Variants in BIRC6 observed in about 807,000 individuals in gnomAD.
The protein encoded by BIRC6 is dual E2 ubiquitin-conjugating enzyme/E3 ubiquitin-protein ligase BIRC6.
BIRC6 carries 98 observed loss-of-function variants against 503.3 expected under a neutral mutation model. That is an observed-to-expected ratio of 0.19 (90% confidence interval 0.17 to 0.23). The LOEUF (loss-of-function observed/expected upper bound fraction) is 0.23, where lower values mean the gene tolerates loss of function less well. BIRC6 is among the 10% of genes least tolerant of loss of function. The pLI, the probability that BIRC6 is intolerant of heterozygous loss-of-function variation, is 1.00. For synonymous variants in BIRC6, 2,240 were observed against 2,078.7 expected, an observed-to-expected ratio of 1.08 and a Z score of -2.11; for missense variants, 5,360 against 5,806.0, an observed-to-expected ratio of 0.92 and a Z score of 2.50.
chr2:32,596,792 C>A (rs990051662), intron 68 of BIRC6, among the ~76,000 whole-genome samples: 5 of 152,176 alleles, frequency 3.3e-5, no homozygotes, highest in Admixed American at 2.0e-4. Context: ...GGCGTTTAGT[C>A]ATATTTCATA....
intron 71 of BIRC6, 33 bp from the exon 72 acceptor site, chr2:32,607,422 C>G (rs1400052942): frequency 7.3e-7 from 1 of 1,376,738 alleles, no homozygotes; most frequent in Admixed American, 2.6e-5. Context: ...TAAAAATGTC[C>G]CATCATAGCT....
At chr2:32,492,091 C>A (rs1025449011) in intron 44 of BIRC6, among the ~76,000 whole-genome samples, 1 of 151,882 alleles carries the variant, frequency 6.6e-6, no homozygotes, top group Non-Finnish European at 1.5e-5. Flanking sequence ...CATTATATTT[C>A]TTTTAAAGTA....
At chr2:32,545,548 A>T in intron 62 of BIRC6, 95 bp from the exon 63 acceptor site, 1 of 1,007,736 alleles carries the variant, frequency 9.9e-7, no homozygotes, top group Non-Finnish European at 1.6e-6. Flanking sequence ...ATACTTTTGT[A>T]TTACAGTGTC....
chr2:32,502,950 T>G, intron 48 of BIRC6, 59 bp downstream of exon 48: 1 of 1,534,886 alleles, frequency 6.5e-7, no homozygotes, highest in Non-Finnish European at 8.9e-7. Context: ...TATGTTACAT[T>G]TTCATTTTTG....
chr2:32,471,707 T>G (rs908540191), intron 32 of BIRC6, among the ~76,000 whole-genome samples: 1 of 152,138 alleles, frequency 6.6e-6, no homozygotes, highest in African/African-American at 2.4e-5. Flanking sequence ...CAGAGATTCT[T>G]GTTCTGAAAA....
chr2:32,499,397 A>T (rs1350682101), intron 45 of BIRC6, 150 bp from the exon 46 acceptor site: 1 of 685,700 alleles, frequency 1.5e-6, no homozygotes, highest in Non-Finnish European at 2.3e-6. Flanking sequence ...ACCTAATGAA[A>T]TAGTGAATAT....
intron 65 of BIRC6, among the ~76,000 whole-genome samples, chr2:32,553,809 TACTC>T (rs772329366): frequency 2.6e-5 from 4 of 152,346 alleles, no homozygotes; most frequent in South Asian, 2.1e-4. Context: ...TGGTTCCAGT[TACTC>T]AAAATAGTAA....
intron 1 of BIRC6, among the ~76,000 whole-genome samples, chr2:32,374,474 A>ATT (rs1398010357): frequency 2.3e-4 from 33 of 140,858 alleles, no homozygotes; most frequent in Non-Finnish European, 3.0e-4. Flanking sequence ...AATTTTTTTA[A>ATT]TTTTTTTTTT....
intron 49 of BIRC6, among the ~76,000 whole-genome samples, chr2:32,504,019 G>T (rs945938377): frequency 1.0e-5 from 1 of 96,284 alleles, no homozygotes; most frequent in African/African-American, 4.3e-5. Context: ...ACTGGGGCGG[G>T]GGGTGGGGGG....
At chr2:32,434,976 A>G (rs2044538556) in intron 13 of BIRC6, among the ~76,000 whole-genome samples, 1 of 152,200 alleles carries the variant, frequency 6.6e-6, no homozygotes, top group Non-Finnish European at 1.5e-5. Context: ...ATATTATGCC[A>G]TTTTATATAA....
Position 32,414,771 on chromosome 2 carries a change from C to T in BIRC6, c.1480C>T (p.His494Tyr), listed in dbSNP as rs781127612. 6.2e-7 allele frequency: 1 copy of T among 1,609,946 alleles called. No homozygotes were observed. Among genetic ancestry groups the T allele is most frequent in the South Asian group, 1.1e-5 (1 of 90,690 alleles). Reference protein sequence around the residue: ...EHSRSDSVTGHTSQKEAMEVS... With the variant: ...EHSRSDSVTGYTSQKEAMEVS... ...ATGAATATTGTTCCTTTTTAAAGGG[C>T]ATACATCACAGAAGGAAGCCATGGA... The change falls in exon 10 of 74, where the codon CAT becomes TAT. Residue 494 changes from histidine to tyrosine, a missense_variant and splice_region_variant. Physicochemically the swap from His to Tyr is moderately conservative, Grantham distance 83 (BLOSUM62 2). This residue lies in a region of BIRC6 where 700 missense variants were observed against 739.3 expected (regional missense o/e 0.95). Coordinates refer to ENST00000421745, the MANE Select transcript of BIRC6 (RefSeq NM_016252.4).
At chr2:32,607,407 C>A in intron 71 of BIRC6, 48 bp from the exon 72 acceptor site, 1 of 1,304,776 alleles carries the variant, frequency 7.7e-7, no homozygotes, top group Non-Finnish European at 1.0e-6. Flanking sequence ...TCAGTTAACC[C>A]ACAGTAAAAA....
chr2:32,413,331 C>T (rs1464334806), intron 9 of BIRC6, among the ~76,000 whole-genome samples: 1 of 152,074 alleles, frequency 6.6e-6, no homozygotes, highest in Non-Finnish European at 1.5e-5. Flanking sequence ...CAGGCATGCA[C>T]CACCACACCC....
intron 66 of BIRC6, among the ~76,000 whole-genome samples, chr2:32,593,595 A>G (rs372250115): frequency 6.6e-6 from 1 of 152,184 alleles, no homozygotes. Context: ...TAATTCTCAA[A>G]TATTTTAGGT....
intron 17 of BIRC6, 63 bp downstream of exon 17, chr2:32,441,525 C>T: frequency 7.2e-7 from 1 of 1,379,372 alleles, no homozygotes; most frequent in Non-Finnish European, 9.8e-7. Flanking sequence ...TAACACCACA[C>T]ACATACACAC....
intron 10 of BIRC6, among the ~76,000 whole-genome samples, chr2:32,421,969 T>C (rs2042994929): frequency 6.6e-6 from 1 of 152,252 alleles, no homozygotes; most frequent in South Asian, 2.1e-4. Context: ...CTTTTAAGTC[T>C]GTTTTTGCTT....
chr2:32,441,896 T>C (rs1465796079), intron 17 of BIRC6, among the ~76,000 whole-genome samples, 169 bp from the exon 18 acceptor site: 1 of 152,228 alleles, frequency 6.6e-6, no homozygotes, highest in Admixed American at 6.5e-5. Flanking sequence ...GTAAATGTTA[T>C]TAAAAAATTT....
In BIRC6 at chr2:32,505,222, A is replaced by G. The variant is rs759510187; in HGVS notation, c.9700+17A>G. 1.3e-6 allele frequency: 2 copies of G among 1,525,718 alleles called. No individual in the cohort carries two copies. Among genetic ancestry groups the G allele is most frequent in the East Asian group, 2.4e-5 (1 of 40,916 alleles). The allele number at this position is 1,525,718 out of a possible 1,614,324, so 94.5% of individuals were successfully genotyped here. A position where few individuals can be genotyped will look rare whatever the true frequency, so the allele number is the denominator to read the frequency against. ...CTCTTGCAAGTGAGTAATATTTTAT[A>G]AAGAAGCATCATGAGAACAAGCTTT... On this transcript the variant is annotated intron_variant, in intron 50 of 73. Transcript: ENST00000421745.
intron 66 of BIRC6, among the ~76,000 whole-genome samples, chr2:32,581,545 T>C (rs544733998): frequency 2.0e-5 from 3 of 152,222 alleles, no homozygotes; most frequent in Non-Finnish European, 4.4e-5. Context: ...AAGTTTTTCT[T>C]AGGCTTTTAA....
Sources: gnomAD v4.1 joint callset for allele counts (sites outside exome capture counted in the v4.1 genomes callset) on GRCh38, gnomAD v4.1.1 for gene constraint, gnomAD v4.1.1 regional missense constraint, MANE v1.5 for transcripts, NCBI Gene and HGNC (gene_info 2026-07-23, HGNC 2026-07-21) for gene names.